ANKRD36C: variants seen among roughly 807,000 people sequenced by gnomAD.
ANKRD36C encodes the protein ankyrin repeat domain 36C.
ANKRD36C carries 61 observed loss-of-function variants against 276.4 expected under a neutral mutation model. The observed-to-expected ratio is 0.22, with a 90% CI of 0.18 to 0.27. The LOEUF (loss-of-function observed/expected upper bound fraction) is 0.27, where lower values mean the gene tolerates loss of function less well. ANKRD36C is among the 10% of genes least tolerant of loss of function. ANKRD36C has a pLI of 1.00. For missense variants in ANKRD36C, 1,447 were observed against 2,032.3 expected (o/e 0.71, Z 5.54); for synonymous variants, 483 against 680.1 (o/e 0.71, Z 4.51).
chr2:95,953,016 G>A (rs1678237061), intron 14 of ANKRD36C, among the ~76,000 whole-genome samples: 1 of 152,264 alleles, frequency 6.6e-6, no homozygotes, highest in African/African-American at 2.4e-5. Context: ...ACCCTGAGTG[G>A]ATTCTTTTTA....
At chr2:95,876,093 T>A (rs1344038225) in intron 59 of ANKRD36C, 2 of 317,720 alleles carry the variant, frequency 6.3e-6, no homozygotes, top group African/African-American at 4.4e-5. Context: ...TCCAGTACGG[T>A]GGTCATCACT....
Position 95,912,323 on chromosome 2 carries a change from G to A in ANKRD36C, c.2581-7C>T. 1 of 1,589,002 alleles carries A rather than the reference G, an allele frequency of 6.3e-7. No homozygotes were observed. Among genetic ancestry groups the A allele is most frequent in the Non-Finnish European group, 8.6e-7 (1 of 1,169,230 alleles). ...CTTTCTCATCACTTGTAGCCTGAATGGAATTTGAAACAAAATAATAAATAA... is the reference window on the plus strand; with the variant it reads ...CTTTCTCATCACTTGTAGCCTGAATAGAATTTGAAACAAAATAATAAATAA... On this transcript the variant is annotated splice_polypyrimidine_tract_variant and splice_region_variant and intron_variant, in intron 41 of 66. Coordinates refer to ENST00000456556, the Ensembl canonical transcript of ANKRD36C.
At position 95,875,231 on chromosome 2, in the gene ANKRD36C, G is replaced by A. The variant is rs374753679; in HGVS notation, c.3540+1208C>T. 2.2e-4 allele frequency among the ~76,000 whole-genome samples: 33 copies of A among 152,120 alleles called. No individual in the cohort carries two copies. The East Asian group carries it at 3.5e-3, about 16-fold the overall frequency. On this transcript the variant is annotated intron_variant, in intron 59 of 66. Transcript: ENST00000456556. The stretch of plus-strand genomic sequence containing the variant: ...TGCTGCTATAAAGACACATGCACAC[G>A]TATGTTTATTGCGGCACTATTCACA...
intron 24 of ANKRD36C, among the ~76,000 whole-genome samples, chr2:95,929,849 C>A (rs1372096236): frequency 3.3e-5 from 5 of 151,508 alleles, no homozygotes; most frequent in African/African-American, 1.2e-4. Flanking sequence ...TTTTCACACC[C>A]ATATGGTGTA....
In ANKRD36C at chr2:95,923,656, A is replaced by C; in HGVS notation, c.2070+5T>G. The C allele has an allele frequency of 6.2e-7, 1 of 1,610,538 alleles. No individual in the cohort carries two copies. Among genetic ancestry groups the C allele is most frequent in the Non-Finnish European group, 8.5e-7 (1 of 1,177,802 alleles). ...AATACAAAATATAAATGAGAGTTTA[A>C]TTACCTTTGAGGGTGGTTGTTTCTG... On this transcript the variant is annotated splice_donor_5th_base_variant and intron_variant, in intron 31 of 66. Coordinates refer to ENST00000456556, the Ensembl canonical transcript of ANKRD36C.
intron 59 of ANKRD36C, among the ~76,000 whole-genome samples, chr2:95,869,869 C>A (rs545470566): frequency 1.4e-4 from 21 of 152,232 alleles, no homozygotes; most frequent in Non-Finnish European, 2.2e-4. Flanking sequence ...TATCCTGCAC[C>A]TGGCTCAGAG....
intron 20 of ANKRD36C, 69 bp downstream of exon 20, chr2:95,941,091 T>A (rs1258337778): frequency 2.4e-6 from 3 of 1,245,408 alleles, no homozygotes; most frequent in Non-Finnish European, 3.1e-6. Context: ...CCTTTGTTTC[T>A]TTGTACACAA....
intron 6 of ANKRD36C, among the ~76,000 whole-genome samples, chr2:95,970,960 T>C (rs1307780007): frequency 5.9e-5 from 9 of 152,292 alleles, no homozygotes; most frequent in African/African-American, 4.8e-5. Flanking sequence ...AATGTCTATA[T>C]AAATTATGCT....
chr2:95,940,347 T>A (rs1178779726), intron 20 of ANKRD36C, among the ~76,000 whole-genome samples: 1 of 151,832 alleles, frequency 6.6e-6, no homozygotes, highest in African/African-American at 2.4e-5. Context: ...TATCAAAATA[T>A]TTGCCATGAT....
intron 3 of ANKRD36C, among the ~76,000 whole-genome samples, chr2:95,985,849 T>C (rs965461570): frequency 1.3e-5 from 2 of 152,096 alleles, no homozygotes; most frequent in East Asian, 1.9e-4. Context: ...CCAACTTGAT[T>C]TTACTATTTA....
intron 6 of ANKRD36C, among the ~76,000 whole-genome samples, chr2:95,967,159 C>T (rs1678608597): frequency 6.6e-6 from 1 of 152,098 alleles, no homozygotes; most frequent in Admixed American, 6.6e-5. Flanking sequence ...TTTCTCTTGC[C>T]TGATTACCCT....
chr2:95,987,568 C>T (rs1679054296), intron 1 of ANKRD36C, among the ~76,000 whole-genome samples: 2 of 147,966 alleles, frequency 1.4e-5, no homozygotes, highest in Admixed American at 1.3e-4. Flanking sequence ...ACACAAATAA[C>T]AGCTCAATAA....
chr2:95,891,704 T>G (rs1164074198), exon 46 of ANKRD36C: 1 of 1,579,278 alleles, frequency 6.3e-7, no homozygotes, highest in Non-Finnish European at 8.6e-7. Flanking sequence ...CCTCTGGCTA[T>G]ATTCAAAACA....
At chr2:95,882,996 A>G (rs1301926071) in intron 54 of ANKRD36C, among the ~76,000 whole-genome samples, 1 of 152,128 alleles carries the variant, frequency 6.6e-6, no homozygotes, top group East Asian at 1.9e-4. Context: ...TACACTTCAC[A>G]AGTCCTCAGT....
chr2:95,866,089 A>G (rs1250492717), intron 60 of ANKRD36C, among the ~76,000 whole-genome samples: 1 of 152,170 alleles, frequency 6.6e-6, no homozygotes, highest in Non-Finnish European at 1.5e-5. Flanking sequence ...TCCATATCCA[A>G]AAAGTGAACT....
exon 16 of ANKRD36C, chr2:95,950,761 T>A: frequency 6.5e-7 from 1 of 1,535,720 alleles, no homozygotes; most frequent in Non-Finnish European, 8.7e-7. Flanking sequence ...GTCAACAGCC[T>A]CTTCAACAGG....
At chr2:95,885,957 A>C in intron 52 of ANKRD36C, 91 bp downstream of exon 72, 2 of 1,553,146 alleles carry the variant, frequency 1.3e-6, no homozygotes, top group South Asian at 1.2e-5. Context: ...CCAAACATAA[A>C]GCTTCAATGA....
chr2:95,916,785 G>T (rs189863019), intron 36 of ANKRD36C, among the ~76,000 whole-genome samples: 40 of 151,624 alleles, frequency 2.6e-4, no homozygotes, highest in Admixed American at 1.3e-3. Flanking sequence ...AAGTTTCTTG[G>T]ATCCACTAGT....
chr2:95,931,245 A>G (rs943417744), intron 24 of ANKRD36C, among the ~76,000 whole-genome samples: 5 of 151,538 alleles, frequency 3.3e-5, no homozygotes, highest in African/African-American at 1.2e-4. Context: ...CCTTCTTCAC[A>G]AAAGCAGCCC....
Sources: allele counts gnomAD v4.1 joint callset (sites outside exome capture counted in the v4.1 genomes callset), GRCh38; gene constraint gnomAD v4.1.1; transcripts MANE v1.5; gene names NCBI Gene and HGNC (gene_info 2026-07-23, HGNC 2026-07-21).